Variants in COX7B2 observed in about 807,000 individuals in gnomAD.
COX7B2 encodes cytochrome c oxidase subunit 7B2, mitochondrial.
For synonymous variants in COX7B2, 37 were observed against 32.1 expected (o/e 1.15, Z -0.51); for missense variants, 109 against 95.9 (o/e 1.14, Z -0.57).
At chr4:46,820,908 T>G (rs1336309063) in intron 2 of COX7B2, among the ~76,000 whole-genome samples, 1 of 151,110 alleles carries the variant, frequency 6.6e-6, no homozygotes, top group Non-Finnish European at 1.5e-5. Flanking sequence ...AGTAATCCAA[T>G]CTCACGTAAG....
At chr4:46,838,538 A>G (rs1463615310) in intron 2 of COX7B2, among the ~76,000 whole-genome samples, 2 of 152,082 alleles carry the variant, frequency 1.3e-5, no homozygotes, top group African/African-American at 2.4e-5. Flanking sequence ...AGTGGTGGTC[A>G]TGCATCAAAG....
chr4:46,881,528 C>T (rs1256103035), intron 1 of COX7B2, among the ~76,000 whole-genome samples: 2 of 151,898 alleles, frequency 1.3e-5, no homozygotes, highest in African/African-American at 4.8e-5. Context: ...TGTGGGAGGC[C>T]GACGTGGGTG....
At chr4:46,824,602 AC>A (rs1342639996) in intron 2 of COX7B2, among the ~76,000 whole-genome samples, 3 of 151,276 alleles carry the variant, frequency 2.0e-5, no homozygotes, top group Non-Finnish European at 4.4e-5. Context: ...ATGAAGTTCA[AC>A]TTTCTGATGT....
chr4:46,815,127 A>T (rs964147982), intron 2 of COX7B2, among the ~76,000 whole-genome samples: 1 of 151,538 alleles, frequency 6.6e-6, no homozygotes, highest in Non-Finnish European at 1.5e-5. Context: ...TGGAGGTTGC[A>T]GTGAGCCGAG....
chr4:46,779,035 G>C (rs1418498284), intron 2 of COX7B2, among the ~76,000 whole-genome samples: 1 of 152,136 alleles, frequency 6.6e-6, no homozygotes, highest in Non-Finnish European at 1.5e-5. Context: ...TTTTGACAAA[G>C]AGTGTGGCTT....
At chr4:46,781,499 C>A (rs920667066) in intron 2 of COX7B2, among the ~76,000 whole-genome samples, 3 of 152,248 alleles carry the variant, frequency 2.0e-5, no homozygotes, top group South Asian at 2.1e-4. Flanking sequence ...CTTTCCTACA[C>A]ATACTGAGAG....
chr4:46,826,535 T>C (rs1408610715), intron 2 of COX7B2, among the ~76,000 whole-genome samples: 1 of 151,938 alleles, frequency 6.6e-6, no homozygotes, highest in African/African-American at 2.4e-5. Flanking sequence ...TATAAATTAT[T>C]CTACCATAAA....
intron 1 of COX7B2, among the ~76,000 whole-genome samples, chr4:46,856,981 C>T (rs1246317536): frequency 6.6e-6 from 1 of 152,130 alleles, no homozygotes; most frequent in East Asian, 1.9e-4. Context: ...AAGGCAGAAA[C>T]TTTTAACTTT....
chr4:46,764,679 CAAA>C lies in COX7B2; in HGVS notation c.-49-29441_-49-29439del, dbSNP rs11357133. 1.5e-3 allele frequency among the ~76,000 whole-genome samples: 191 copies of C among 129,052 alleles called. 1 individual carries two copies. The highest frequency in any genetic ancestry group is 4.8e-3 in the African/African-American group (168 of 34,954). 84.7% of individuals were successfully genotyped at this position (129,052 alleles called of 152,430 possible). ...TGGGCAACAAAGTGAGACTCCGCCT[CAAA>C]AAAAAAAAAAAAAAGTAGAATATTT... On this transcript the variant is annotated intron_variant, in intron 2 of 2. Coordinates refer to ENST00000355591, the MANE Select transcript of COX7B2 (RefSeq NM_130902.3).
chr4:46,848,341 A>G (rs1225426092), intron 1 of COX7B2, among the ~76,000 whole-genome samples: 1 of 152,086 alleles, frequency 6.6e-6, no homozygotes, highest in East Asian at 1.9e-4. Flanking sequence ...TTTTTCAAAA[A>G]AATCAATACA....
chr4:46,741,144 G>A (rs75388048), intron 2 of COX7B2, among the ~76,000 whole-genome samples: 1,721 of 152,128 alleles, frequency 0.011, 20 homozygotes, highest in Middle Eastern at 0.037. Context: ...CTTCGATATA[G>A]GCTTTTTATG....
At chr4:46,897,965 C>T (rs1719861378) in intron 1 of COX7B2, among the ~76,000 whole-genome samples, 1 of 152,050 alleles carries the variant, frequency 6.6e-6, no homozygotes, top group Non-Finnish European at 1.5e-5. Context: ...TGACCTCCAC[C>T]TCTCCATTTC....
At chr4:46,901,289 G>A (rs945784337) in intron 1 of COX7B2, among the ~76,000 whole-genome samples, 1 of 152,158 alleles carries the variant, frequency 6.6e-6, no homozygotes, top group Non-Finnish European at 1.5e-5. Context: ...CGATGGACTT[G>A]ATTCCCACCT....
intron 1 of COX7B2, among the ~76,000 whole-genome samples, chr4:46,856,695 G>A (rs543726233): frequency 5.3e-5 from 8 of 152,268 alleles, no homozygotes; most frequent in African/African-American, 1.9e-4. Context: ...GAAATTAATA[G>A]TTGAAAGCCA....
At chr4:46,786,985 A>G (rs1467614469) in intron 2 of COX7B2, among the ~76,000 whole-genome samples, 2 of 152,164 alleles carry the variant, frequency 1.3e-5, no homozygotes, top group African/African-American at 4.8e-5. Flanking sequence ...AAAGATGATG[A>G]TACTGACAAC....
intron 2 of COX7B2, among the ~76,000 whole-genome samples, chr4:46,751,038 C>T (rs781521661): frequency 1.6e-4 from 24 of 152,156 alleles, no homozygotes; most frequent in Non-Finnish European, 2.8e-4. Flanking sequence ...TCCTTGACAA[C>T]TTAATCAGCA....
chr4:46,887,710 CAAAAA>C (rs564556459), intron 1 of COX7B2, among the ~76,000 whole-genome samples: 1 of 41,660 alleles, frequency 2.4e-5, no homozygotes, highest in Non-Finnish European at 5.3e-5. Context: ...GACTCCTTCT[CAAAAA>C]AAAAAAAAAA....
intron 1 of COX7B2, among the ~76,000 whole-genome samples, chr4:46,850,281 T>C (rs1271036652): frequency 6.6e-6 from 1 of 151,830 alleles, no homozygotes; most frequent in African/African-American, 2.4e-5. Flanking sequence ...AAAATAATGA[T>C]TTAAAAATGA....
chr4:46,761,799 G>A (rs1716159939), intron 2 of COX7B2, among the ~76,000 whole-genome samples: 1 of 151,938 alleles, frequency 6.6e-6, no homozygotes, highest in African/African-American at 2.4e-5. Flanking sequence ...GGAGAAATCA[G>A]AAATTCTAAC....
Sources: allele counts gnomAD v4.1 joint callset (sites outside exome capture counted in the v4.1 genomes callset), GRCh38; gene constraint gnomAD v4.1.1; transcripts MANE v1.5; gene names NCBI Gene and HGNC (gene_info 2026-07-23, HGNC 2026-07-21).